RGS7: variants seen among roughly 807,000 people sequenced by gnomAD.
The protein encoded by RGS7 is regulator of G protein signaling 7, also known as regulator of G-protein signaling 7.
Under a neutral mutation model 81.1 loss-of-function variants are expected in RGS7, and 27 were observed. The observed-to-expected ratio is 0.33, with a 90% CI of 0.25 to 0.46. The LOEUF (loss-of-function observed/expected upper bound fraction) is 0.46. Ranked by LOEUF, RGS7 falls within the 20% of genes least tolerant of loss-of-function variation. The pLI is 1.00. For synonymous variants in RGS7, 208 were observed against 207.7 expected (o/e 1.00, Z -0.01); for missense variants, 396 against 607.4 (o/e 0.65, Z 3.66).
At chr1:241,044,103 G>GT (rs1170563458) in intron 3 of RGS7, among the ~76,000 whole-genome samples, 4 of 140,888 alleles carry the variant, frequency 2.8e-5, no homozygotes, top group South Asian at 2.3e-4. Flanking sequence ...CTTTCTTTTT[G>GT]TTTTTTTTGT....
intron 6 of RGS7, among the ~76,000 whole-genome samples, chr1:240,891,707 A>C (rs951986941): frequency 6.6e-6 from 1 of 152,230 alleles, no homozygotes; most frequent in African/African-American, 2.4e-5. Flanking sequence ...GGAAACAAAT[A>C]AGTAGGTAAA....
chr1:240,876,681 G>T (rs1041562431), intron 6 of RGS7, among the ~76,000 whole-genome samples: 3 of 152,134 alleles, frequency 2.0e-5, no homozygotes, highest in Non-Finnish European at 4.4e-5. Flanking sequence ...ATGGCCATAG[G>T]CTGGGTGTAG....
chr1:240,800,820 CAAAT>C, intron 17 of RGS7, 99 bp from the exon 18 acceptor site: 3 of 588,816 alleles, frequency 5.1e-6, no homozygotes, highest in East Asian at 3.2e-5. Context: ...ATCTTACAAA[CAAAT>C]ATATATCATC....
intron 2 of RGS7, among the ~76,000 whole-genome samples, chr1:241,270,755 C>A (rs1232364474): frequency 2.6e-5 from 4 of 151,482 alleles, no homozygotes; most frequent in Admixed American, 2.6e-4. Flanking sequence ...AAATAAACCC[C>A]CCCCCCTTTT....
chr1:240,996,345 C>A (rs761037321), intron 3 of RGS7, among the ~76,000 whole-genome samples: 1 of 152,170 alleles, frequency 6.6e-6, no homozygotes, highest in Non-Finnish European at 1.5e-5. Context: ...TACATCCTTA[C>A]TGATTTTTCT....
chr1:241,311,808 T>C (rs924784336), intron 2 of RGS7, among the ~76,000 whole-genome samples: 1 of 152,222 alleles, frequency 6.6e-6, no homozygotes. Flanking sequence ...GACTGTATCA[T>C]GATATGTGTC....
At chr1:241,255,783 G>A (rs752777664) in intron 2 of RGS7, among the ~76,000 whole-genome samples, 2 of 152,176 alleles carry the variant, frequency 1.3e-5, no homozygotes, top group African/African-American at 2.4e-5. Context: ...AAATATGGTG[G>A]TTCCTACCGC....
At chr1:241,268,739 G>T (rs2077724656) in intron 2 of RGS7, among the ~76,000 whole-genome samples, 1 of 152,100 alleles carries the variant, frequency 6.6e-6, no homozygotes, top group Non-Finnish European at 1.5e-5. Flanking sequence ...TCTAACAGTT[G>T]CTGCTCAATG....
At chr1:240,988,273 T>A (rs1685967002) in intron 3 of RGS7, among the ~76,000 whole-genome samples, 1 of 151,056 alleles carries the variant, frequency 6.6e-6, no homozygotes, top group African/African-American at 2.4e-5. Flanking sequence ...CTCATTATCA[T>A]AATTTAAAAA....
At chr1:240,906,929 TA>T (rs1450060172) in intron 6 of RGS7, among the ~76,000 whole-genome samples, 4 of 152,334 alleles carry the variant, frequency 2.6e-5, no homozygotes, top group African/African-American at 9.6e-5. Context: ...TACAGCTGCT[TA>T]AGAATAAGTT....
At chr1:241,191,298 T>G (rs967681166) in intron 2 of RGS7, among the ~76,000 whole-genome samples, 1 of 152,116 alleles carries the variant, frequency 6.6e-6, no homozygotes, top group East Asian at 1.9e-4. Context: ...GTTATTTTTA[T>G]GAGAATTTTT....
At chr1:240,971,479 A>C (rs2148510653) in intron 4 of RGS7, among the ~76,000 whole-genome samples, 1 of 152,350 alleles carries the variant, frequency 6.6e-6, no homozygotes, top group South Asian at 2.1e-4. Context: ...ACATGAAATA[A>C]GTAGAACTAC....
intron 3 of RGS7, among the ~76,000 whole-genome samples, chr1:241,087,951 TC>T (rs1424296869): frequency 0.016 from 1,247 of 75,744 alleles, 33 homozygotes; most frequent in African/African-American, 0.054. Flanking sequence ...TCCATCTCTC[TC>T]TCTCTCTCTC....
At chr1:241,075,684 A>G (rs2062756970) in intron 3 of RGS7, among the ~76,000 whole-genome samples, 1 of 152,238 alleles carries the variant, frequency 6.6e-6, no homozygotes, top group Non-Finnish European at 1.5e-5. Context: ...TCTGGGCCAC[A>G]TGCAGCCTGT....
At chr1:241,294,383 A>G (rs930395107) in intron 2 of RGS7, among the ~76,000 whole-genome samples, 6 of 152,230 alleles carry the variant, frequency 3.9e-5, no homozygotes, top group Non-Finnish European at 7.3e-5. Context: ...GCACATGTAT[A>G]CTTATGTAAC....
At chr1:241,332,451 A>C (rs1341916720) in intron 2 of RGS7, among the ~76,000 whole-genome samples, 1 of 152,198 alleles carries the variant, frequency 6.6e-6, no homozygotes, top group African/African-American at 2.4e-5. Flanking sequence ...GAACTAATTT[A>C]TAATCGTTTG....
chr1:241,309,242 C>T (rs911132799), intron 2 of RGS7, among the ~76,000 whole-genome samples: 9 of 151,524 alleles, frequency 5.9e-5, no homozygotes, highest in South Asian at 2.1e-4. Context: ...CAAAATTAGC[C>T]GGGCGTGGTG....
chr1:241,268,880 C>CTTG (rs1437678127), intron 2 of RGS7, among the ~76,000 whole-genome samples: 1 of 152,102 alleles, frequency 6.6e-6, no homozygotes, highest in African/African-American at 2.4e-5. Context: ...CACTATTGAC[C>CTTG]TTGTCTTTTC....
At chr1:241,124,059 G>T (rs1318030693) in intron 2 of RGS7, among the ~76,000 whole-genome samples, 1 of 152,074 alleles carries the variant, frequency 6.6e-6, no homozygotes, top group Non-Finnish European at 1.5e-5. Flanking sequence ...TTAATAAAGG[G>T]GTGGGGAAAA....
Sources: gnomAD v4.1 joint callset for allele counts (sites outside exome capture counted in the v4.1 genomes callset) on GRCh38, gnomAD v4.1.1 for gene constraint, MANE v1.5 for transcripts, NCBI Gene and HGNC (gene_info 2026-07-23, HGNC 2026-07-21) for gene names.